The following FOCAD variants were observed in gnomAD, a reference collection of about 807,000 sequenced individuals.
FOCAD encodes KIAA1797.
In FOCAD, 198 loss-of-function variants were observed where a neutral mutation model predicts 225.6. That is an observed-to-expected ratio of 0.88 (90% CI 0.78 to 0.99). The LOEUF (loss-of-function observed/expected upper bound fraction) is 0.99. Among genes scored for constraint, FOCAD ranks in the 50% least tolerant of loss-of-function variants. The pLI is 0.00. For synonymous variants in FOCAD, 897 were observed against 755.0 expected (o/e 1.19, Z -3.08); for missense variants, 2,713 against 2,123.6 (o/e 1.28, Z -5.46).
At chr9:20,767,462 T>C (rs1412641977) in intron 7 of FOCAD, among the ~76,000 whole-genome samples, 12 of 150,060 alleles carry the variant, frequency 8.0e-5, no homozygotes, top group Non-Finnish European at 1.5e-4. Flanking sequence ...GTGTTCCTAT[T>C]TCTCCACGTC....
At chr9:20,846,524 A>T (rs1220701344) in intron 15 of FOCAD, among the ~76,000 whole-genome samples, 2 of 152,088 alleles carry the variant, frequency 1.3e-5, no homozygotes, top group Non-Finnish European at 2.9e-5. Context: ...AATCTCTTTA[A>T]TTCTAATATT....
At chr9:20,891,388 T>A (rs921423888) in intron 21 of FOCAD, among the ~76,000 whole-genome samples, 2 of 152,182 alleles carry the variant, frequency 1.3e-5, no homozygotes, top group African/African-American at 4.8e-5. Context: ...AAAGCTGAGA[T>A]AGGCTGAAAG....
intron 24 of FOCAD, among the ~76,000 whole-genome samples, chr9:20,922,721 G>T (rs1418326702): frequency 6.6e-6 from 1 of 152,136 alleles, no homozygotes; most frequent in Non-Finnish European, 1.5e-5. Flanking sequence ...AAATTTTGGG[G>T]AACATTGTAT....
chr9:20,951,234 GA>G, intron 34 of FOCAD, 136 bp downstream of exon 34: 1 of 673,818 alleles, frequency 1.5e-6, no homozygotes, highest in Non-Finnish European at 2.6e-6. Context: ...ACGTCAGAGG[GA>G]AATGGTGTAT....
chr9:20,923,278 A>G (rs1161337130), intron 24 of FOCAD, among the ~76,000 whole-genome samples: 1 of 152,184 alleles, frequency 6.6e-6, no homozygotes, highest in Non-Finnish European at 1.5e-5. Context: ...GGGCTTATTG[A>G]CATAACTGTC....
intron 11 of FOCAD, among the ~76,000 whole-genome samples, chr9:20,804,132 T>A (rs7046488): frequency 4.6e-5 from 7 of 151,664 alleles, no homozygotes; most frequent in Non-Finnish European, 8.8e-5. Flanking sequence ...TAAATTTTTT[T>A]TGTGTGTTCC....
At chr9:20,678,335 C>T (rs901239241) in intron 2 of FOCAD, among the ~76,000 whole-genome samples, 1 of 152,164 alleles carries the variant, frequency 6.6e-6, no homozygotes, top group East Asian at 1.9e-4. Context: ...CTTGAGCAAA[C>T]TACCAAGCAT....
At chr9:20,867,148 C>G in intron 18 of FOCAD, 136 bp downstream of exon 18, 1 of 545,942 alleles carries the variant, frequency 1.8e-6, no homozygotes. Flanking sequence ...GATACAAATT[C>G]ATACCCATTA....
chr9:20,803,684 C>T (rs538580252), intron 11 of FOCAD, among the ~76,000 whole-genome samples: 2 of 152,092 alleles, frequency 1.3e-5, no homozygotes, highest in East Asian at 3.9e-4. Flanking sequence ...TAGAGAGTAT[C>T]TCACCTGCAT....
At chr9:20,672,325 G>A (rs1587190128) in intron 2 of FOCAD, among the ~76,000 whole-genome samples, 3 of 152,292 alleles carry the variant, frequency 2.0e-5, no homozygotes, top group Admixed American at 2.0e-4. Context: ...ATTTTTCAAA[G>A]CTATGGGAGC....
At chr9:20,790,913 T>A (rs1228602586) in intron 11 of FOCAD, among the ~76,000 whole-genome samples, 1 of 152,234 alleles carries the variant, frequency 6.6e-6, no homozygotes, top group East Asian at 1.9e-4. Flanking sequence ...GGACCTCATC[T>A]GTTCTGATTC....
At chr9:20,963,206 T>G (rs549326264) in intron 35 of FOCAD, among the ~76,000 whole-genome samples, 2 of 152,234 alleles carry the variant, frequency 1.3e-5, no homozygotes, top group African/African-American at 2.4e-5. Flanking sequence ...ATTTCATTAT[T>G]GGACTGATGT....
At chr9:20,841,095 T>C (rs1357511895) in intron 15 of FOCAD, among the ~76,000 whole-genome samples, 1 of 152,032 alleles carries the variant, frequency 6.6e-6, no homozygotes, top group Admixed American at 6.6e-5. Context: ...AATGATCTTT[T>C]TAATATGTTG....
chr9:20,918,787 A>G (rs1006021070), intron 24 of FOCAD, among the ~76,000 whole-genome samples: 1 of 152,148 alleles, frequency 6.6e-6, no homozygotes, highest in African/African-American at 2.4e-5. Context: ...AATCTTGACA[A>G]TACTAGGAAT....
intron 8 of FOCAD, among the ~76,000 whole-genome samples, chr9:20,774,681 G>T (rs775567192): frequency 6.6e-6 from 1 of 152,136 alleles, no homozygotes; most frequent in Admixed American, 6.5e-5. Context: ...TTGGCCACTG[G>T]GAATCTATTA....
At chr9:20,684,509 G>C (rs1218031052) in intron 1 of FOCAD, 1 of 152,992 alleles carries the variant, frequency 6.5e-6, no homozygotes, top group Non-Finnish European at 1.5e-5. Flanking sequence ...GTCCGGTCCT[G>C]CTGGGGCTCT....
chr9:20,913,037 G>A, intron 23 of FOCAD, 83 bp downstream of exon 23: 2 of 1,144,852 alleles, frequency 1.7e-6, no homozygotes, highest in Non-Finnish European at 2.6e-6. Flanking sequence ...AAGGCTTTAA[G>A]ATTAGCAGGT....
At chr9:20,988,842 G>A (rs1325243494) in intron 41 of FOCAD, among the ~76,000 whole-genome samples, 1 of 152,112 alleles carries the variant, frequency 6.6e-6, no homozygotes, top group Non-Finnish European at 1.5e-5. Context: ...CTCCACACTG[G>A]CCAGCATATG....
chr9:20,987,447 G>A (rs1304827776), intron 40 of FOCAD, among the ~76,000 whole-genome samples: 1 of 151,848 alleles, frequency 6.6e-6, no homozygotes, highest in East Asian at 1.9e-4. Flanking sequence ...GGCAAAGGTT[G>A]CAGTGAGCCA....
Sources: allele counts gnomAD v4.1 joint callset (sites outside exome capture counted in the v4.1 genomes callset), GRCh38; gene constraint gnomAD v4.1.1; transcripts MANE v1.5; gene names NCBI Gene and HGNC (gene_info 2026-07-23, HGNC 2026-07-21).